Variants in RBPMS observed in about 807,000 individuals in gnomAD.
RBPMS encodes RNA binding protein, mRNA processing factor, also known as RNA-binding protein with multiple splicing.
A neutral mutation model predicts 26.8 loss-of-function variants in RBPMS; 7 were observed. The ratio of observed to expected loss-of-function variants is 0.26; its 90% CI spans 0.15 to 0.49. The LOEUF (loss-of-function observed/expected upper bound fraction) is 0.49. Among genes scored for constraint, RBPMS ranks in the 20% least tolerant of loss-of-function variants. The pLI is 0.98. For synonymous variants in RBPMS, 96 were observed against 93.3 expected (o/e 1.03, Z -0.17); for missense variants, 186 against 250.0 (o/e 0.74, Z 1.73).
intron 1 of RBPMS, among the ~76,000 whole-genome samples, chr8:30,456,881 A>T (rs1815280340): frequency 6.6e-6 from 1 of 152,258 alleles, no homozygotes; most frequent in African/African-American, 2.4e-5. Context: ...AGATCACGCC[A>T]CTGTACTCCA....
At chr8:30,513,661 G>A (rs1821978448) in intron 5 of RBPMS, among the ~76,000 whole-genome samples, 1 of 148,790 alleles carries the variant, frequency 6.7e-6, no homozygotes, top group Non-Finnish European at 1.5e-5. Context: ...CTATTGTAAT[G>A]CAAATAATTG....
intron 1 of RBPMS, among the ~76,000 whole-genome samples, chr8:30,446,124 CTT>C (rs966091202): frequency 8.4e-4 from 128 of 152,326 alleles, no homozygotes; most frequent in African/African-American, 2.9e-3. Flanking sequence ...ACACTTATCT[CTT>C]TTGCAACTTC....
At chr8:30,543,398 T>C (rs1825587889) in intron 5 of RBPMS, among the ~76,000 whole-genome samples, 1 of 152,158 alleles carries the variant, frequency 6.6e-6, no homozygotes, top group Admixed American at 6.5e-5. Flanking sequence ...AATGGCTCCT[T>C]AGATGGTAGG....
chr8:30,385,019 TC>T lies in RBPMS; in HGVS notation c.-72del. The T allele has an allele frequency of 7.9e-7, 1 of 1,258,652 alleles. No homozygotes were observed. Among genetic ancestry groups the T allele is most frequent in the Non-Finnish European group, 1.1e-6 (1 of 938,772 alleles). 78.0% of individuals were successfully genotyped at this position (1,258,652 alleles called of 1,614,324 possible). On this transcript the variant is annotated 5_prime_UTR_variant, in exon 1 of 9. Coordinates refer to ENST00000397323, the MANE Select transcript of RBPMS (RefSeq NM_001008710.3). ...GGGAGCCCCGGCGCCCGGGGAAGGC[TC>T]CAGTGGGCTAGCGCGCCCTCGCCCA... is the stretch of plus-strand genomic sequence containing the variant.
At chr8:30,497,371 C>T (rs908192079) in intron 4 of RBPMS, among the ~76,000 whole-genome samples, 2 of 152,020 alleles carry the variant, frequency 1.3e-5, no homozygotes, top group African/African-American at 4.8e-5. Flanking sequence ...GGTGAAATCC[C>T]GTCTCTACTA....
intron 6 of RBPMS, chr8:30,552,730 C>T (rs978128762): frequency 2.6e-5 from 4 of 152,214 alleles, no homozygotes; most frequent in African/African-American, 9.6e-5. Flanking sequence ...ATTTCACATG[C>T]CTGTTTGGAA....
chr8:30,533,920 T>C (rs1009752766), intron 5 of RBPMS, among the ~76,000 whole-genome samples: 2 of 151,964 alleles, frequency 1.3e-5, no homozygotes, highest in Admixed American at 1.3e-4. Context: ...AATCACGAGG[T>C]CAGGAGTTCG....
Position 30,432,903 on chromosome 8 carries a change from A to G in RBPMS, c.67-41876A>G, listed in dbSNP as rs371614396. On this transcript the variant is annotated intron_variant, in intron 1 of 8. Coordinates refer to ENST00000397323, the MANE Select transcript of RBPMS (RefSeq NM_001008710.3). ...AAAGAAAGATCCTTTTCGCTTAAAC[A>G]TTCTGTTGATCCAAGAAAAATCACA... Among the ~76,000 whole-genome samples the G allele has an allele frequency of 1.1e-4, 16 of 152,238 alleles. No homozygotes were observed. In the East Asian group the frequency reaches 2.9e-3, roughly 27 times the overall value.
At chr8:30,509,446 C>G (rs186233674) in intron 5 of RBPMS, among the ~76,000 whole-genome samples, 1 of 152,330 alleles carries the variant, frequency 6.6e-6, no homozygotes, top group East Asian at 1.9e-4. Flanking sequence ...TGTCTCATGT[C>G]TGAAGAGACC....
At chr8:30,448,264 T>G (rs1814112492) in intron 1 of RBPMS, among the ~76,000 whole-genome samples, 1 of 152,230 alleles carries the variant, frequency 6.6e-6, no homozygotes, top group Non-Finnish European at 1.5e-5. Flanking sequence ...TTGACATTTT[T>G]CACATGCCCT....
intron 5 of RBPMS, among the ~76,000 whole-genome samples, chr8:30,517,707 C>T (rs1237873512): frequency 2.6e-5 from 4 of 152,182 alleles, no homozygotes; most frequent in East Asian, 1.9e-4. Flanking sequence ...AAGGAGCTGC[C>T]GTGTGTAAGG....
chr8:30,415,780 CTTT>C (rs1345181396), intron 1 of RBPMS, among the ~76,000 whole-genome samples: 4 of 152,148 alleles, frequency 2.6e-5, no homozygotes, highest in Non-Finnish European at 5.9e-5. Context: ...TGTTTGACAG[CTTT>C]TCCTCTGGTC....
chr8:30,487,221 T>A (rs1279521622), intron 4 of RBPMS, among the ~76,000 whole-genome samples: 1 of 149,232 alleles, frequency 6.7e-6, no homozygotes, highest in Non-Finnish European at 1.5e-5. Flanking sequence ...GCAGCTTAAA[T>A]CACTGTCTTC....
intron 1 of RBPMS, among the ~76,000 whole-genome samples, chr8:30,433,002 G>T (rs910512119): frequency 1.3e-5 from 2 of 152,186 alleles, no homozygotes; most frequent in African/African-American, 4.8e-5. Flanking sequence ...GCAAGCTTCT[G>T]TTCCTCTAAA....
Position 30,516,903 on chromosome 8 carries a change from T to TACACACACACACACACACACACAC in RBPMS, c.397+12486_397+12487insCACACACACACACACACACACACA, listed in dbSNP as rs139256402. ...AACATAGCTTGACTCCATCTCTAAATACACACACACACACACACAGACACA... is the reference window on the plus strand; with the variant it reads ...AACATAGCTTGACTCCATCTCTAAATACACACACACACACACACACACACACACACACACACACACACAGACACA... On this transcript the variant is annotated intron_variant, in intron 5 of 8. Transcript: ENST00000397323. 3.4e-3 allele frequency among the ~76,000 whole-genome samples: 500 copies of TACACACACACACACACACACACAC among 147,344 alleles called. 3 individuals are homozygous for TACACACACACACACACACACACAC. Among genetic ancestry groups the TACACACACACACACACACACACAC allele is most frequent in the East Asian group, 0.012 (59 of 4,768 alleles).
At chr8:30,537,772 G>C (rs1172235452) in intron 5 of RBPMS, 1 of 390,930 alleles carries the variant, frequency 2.6e-6, no homozygotes, top group African/African-American at 2.1e-5. Context: ...TTGGTGCACA[G>C]AATGTGGTCA....
chr8:30,426,680 CTTT>C (rs796851926), intron 1 of RBPMS, among the ~76,000 whole-genome samples: 24 of 127,648 alleles, frequency 1.9e-4, no homozygotes, highest in Admixed American at 2.3e-4. Context: ...CAGTGATTTT[CTTT>C]TTTTTTTTTT....
chr8:30,514,336 A>G (rs1163697087), intron 5 of RBPMS, among the ~76,000 whole-genome samples: 1 of 152,014 alleles, frequency 6.6e-6, no homozygotes, highest in African/African-American at 2.4e-5. Flanking sequence ...CCTTTAATCC[A>G]TTTTTACTTG....
At chr8:30,451,655 C>T (rs986169325) in intron 1 of RBPMS, among the ~76,000 whole-genome samples, 2 of 152,070 alleles carry the variant, frequency 1.3e-5, no homozygotes, top group Non-Finnish European at 2.9e-5. Context: ...TTTTTCCCAG[C>T]AGGCAACAGT....
Sources: allele counts gnomAD v4.1 joint callset (sites outside exome capture counted in the v4.1 genomes callset), GRCh38; gene constraint gnomAD v4.1.1; transcripts MANE v1.5; gene names NCBI Gene and HGNC (gene_info 2026-07-23, HGNC 2026-07-21).